Variants in C4orf51 observed in about 807,000 individuals in gnomAD.
C4orf51 encodes uncharacterized protein C4orf51.
C4orf51 carries 25 observed loss-of-function variants against 25.2 expected under a neutral mutation model. That is an observed-to-expected ratio of 0.99 (90% confidence interval 0.72 to 1.39). The LOEUF (loss-of-function observed/expected upper bound fraction) is 1.39, where lower values mean the gene tolerates loss of function less well. C4orf51 is among the 40% of genes most tolerant of loss of function. The pLI, the probability that C4orf51 is intolerant of heterozygous loss-of-function variation, is 0.00. For missense variants in C4orf51, 252 were observed against 239.6 expected, an observed-to-expected ratio of 1.05 and a Z score of -0.34; for synonymous variants, 100 against 84.5, an observed-to-expected ratio of 1.18 and a Z score of -1.01.
the C4orf51 span, among the ~76,000 whole-genome samples, chr4:145,779,949 G>A: frequency 1.3e-5 from 2 of 152,342 alleles, no homozygotes; most frequent in Admixed American, 1.3e-4. Context: ...CCAGCACTTT[G>A]GGAGGCTGAG....
rs147274956 is a variant in C4orf51 at position 145,715,187 on chromosome 4, C to T, written c.308-11724C>T. On this transcript the variant is annotated intron_variant, in intron 2 of 5. Transcript: ENST00000438731. The stretch of plus-strand genomic sequence containing the variant: ...CAGTTGGGGTGGTCTGCATGTGAGG[C>T]ATCCCAAGCAGCTCATGGGTGGGTT... Among the ~76,000 whole-genome samples, 7 of 152,320 alleles carry T rather than the reference C, an allele frequency of 4.6e-5. No homozygotes were observed. The East Asian group carries it at 1.4e-3, about 29-fold the overall frequency.
At chr4:145,685,144 T>A (rs1729066922) in intron 1 of C4orf51, among the ~76,000 whole-genome samples, 1 of 152,122 alleles carries the variant, frequency 6.6e-6, no homozygotes, top group Non-Finnish European at 1.5e-5. Context: ...AGAATATACA[T>A]TCTGTGGTTG....
At chr4:145,682,534 G>A (rs1035927873) in intron 1 of C4orf51, among the ~76,000 whole-genome samples, 1 of 152,028 alleles carries the variant, frequency 6.6e-6, no homozygotes, top group Non-Finnish European at 1.5e-5. Context: ...ATTTAAAGTG[G>A]GTTAAGTCAG....
chr4:145,721,050 A>C (rs76442102), intron 2 of C4orf51, among the ~76,000 whole-genome samples: 12,750 of 152,210 alleles, frequency 0.084, 757 homozygotes, highest in Admixed American at 0.2. Flanking sequence ...TTTAAACTAC[A>C]GGAAGAAAAA....
intron 1 of C4orf51, 143 bp from the exon 2 acceptor site, chr4:145,696,416 A>C: frequency 2.9e-6 from 2 of 692,894 alleles, no homozygotes; most frequent in Non-Finnish European, 5.0e-6. Context: ...AGTTTATCTA[A>C]ATAACAAACC....
intron 1 of C4orf51, chr4:145,760,526 G>C (rs937573611): frequency 6.4e-6 from 1 of 157,166 alleles, no homozygotes; most frequent in African/African-American, 2.4e-5. Context: ...GCATGCCTCT[G>C]AAGGTAGAAG....
chr4:145,775,379 C>T (rs62345782), downstream of C4orf51, among the ~76,000 whole-genome samples: 6 of 151,992 alleles, frequency 3.9e-5, no homozygotes, highest in South Asian at 4.2e-4. Context: ...AAATACGTAA[C>T]GCCTTCTGGG....
chr4:145,696,689 T>C (rs1730085040), intron 2 of C4orf51, 57 bp downstream of exon 2: 1 of 1,288,812 alleles, frequency 7.8e-7, no homozygotes, highest in Admixed American at 2.2e-5. Flanking sequence ...TTGCTGTGTT[T>C]CTTTCAGGTT....
downstream of C4orf51, among the ~76,000 whole-genome samples, chr4:145,755,119 C>T (rs948206110): frequency 1.3e-5 from 2 of 152,128 alleles, no homozygotes; most frequent in Admixed American, 1.3e-4. Context: ...AAAAGGCTGA[C>T]TTTTTCTTGT....
chr4:145,773,026 C>A (rs753610614), downstream of C4orf51, among the ~76,000 whole-genome samples: 1 of 151,920 alleles, frequency 6.6e-6, no homozygotes, highest in Non-Finnish European at 1.5e-5. Context: ...GGCTTTGGAG[C>A]AGGATGGGAG....
chr4:145,771,112 G>A (rs1736211784), downstream of C4orf51: 1 of 152,156 alleles, frequency 6.6e-6, no homozygotes, highest in Admixed American at 6.5e-5. Flanking sequence ...TCAATTAGAG[G>A]CCTAAAGGTT....
chr4:145,681,645 G>A (rs540491005), intron 1 of C4orf51, among the ~76,000 whole-genome samples: 81 of 152,242 alleles, frequency 5.3e-4, no homozygotes, highest in Non-Finnish European at 1.1e-3. Context: ...CAGGGTTATT[G>A]GAGAATGAGT....
intron 1 of C4orf51, 73 bp downstream of exon 1, chr4:145,680,509 T>C (rs77214207): frequency 8.9e-7 from 1 of 1,126,162 alleles, no homozygotes; most frequent in East Asian, 2.5e-5. Flanking sequence ...AAGAAAGAGG[T>C]ATTGTAGACC....
chr4:145,747,937 A>G (rs1199626540), intron 1 of C4orf51, among the ~76,000 whole-genome samples: 1 of 151,926 alleles, frequency 6.6e-6, no homozygotes, highest in Non-Finnish European at 1.5e-5. Flanking sequence ...GAATAGTTTG[A>G]GTAGGATTGG....
At chr4:145,792,256 T>G in the C4orf51 span, among the ~76,000 whole-genome samples, 1 of 152,108 alleles carries the variant, frequency 6.6e-6, no homozygotes, top group Admixed American at 6.6e-5. Context: ...TAGAATGGAA[T>G]GGAGTTAAGA....
At chr4:145,785,826 T>C in the C4orf51 span, among the ~76,000 whole-genome samples, 1 of 152,234 alleles carries the variant, frequency 6.6e-6, no homozygotes, top group Non-Finnish European at 1.5e-5. Flanking sequence ...TTTCTTCTCT[T>C]CCTGTTCTTT....
chr4:145,685,854 A>G (rs958067576), intron 1 of C4orf51, among the ~76,000 whole-genome samples: 3 of 152,180 alleles, frequency 2.0e-5, no homozygotes, highest in Non-Finnish European at 4.4e-5. Context: ...AAACAAAACT[A>G]GAAAATGTCT....
At chr4:145,690,926 AC>A (rs1247883277) in intron 1 of C4orf51, among the ~76,000 whole-genome samples, 1 of 151,476 alleles carries the variant, frequency 6.6e-6, no homozygotes, top group East Asian at 1.9e-4. Flanking sequence ...ACATAGGGAA[AC>A]CCCATCTCCC....
At chr4:145,746,319 A>G (rs1041717228) in intron 1 of C4orf51, among the ~76,000 whole-genome samples, 1 of 152,110 alleles carries the variant, frequency 6.6e-6, no homozygotes, top group Non-Finnish European at 1.5e-5. Flanking sequence ...AGTTTTCCCA[A>G]TGTTTTCTTT....
Sources: allele counts gnomAD v4.1 joint callset (sites outside exome capture counted in the v4.1 genomes callset), GRCh38; gene constraint gnomAD v4.1.1; transcripts MANE v1.5; gene names NCBI Gene and HGNC (gene_info 2026-07-23, HGNC 2026-07-21).